The following ECPAS variants were observed in gnomAD, a reference collection of about 807,000 sequenced individuals.
ECPAS encodes the protein Ecm29 proteasome adaptor and scaffold, also known as proteasome adapter and scaffold protein ECM29.
Under a neutral mutation model 255.1 loss-of-function variants are expected in ECPAS, and 70 were observed. The observed-to-expected ratio is 0.27, with a 90% CI of 0.23 to 0.33. ECPAS has a LOEUF of 0.33. ECPAS is among the 10% of genes least tolerant of loss of function. ECPAS has a pLI of 1.00. For synonymous variants in ECPAS, 784 were observed against 775.0 expected, an observed-to-expected ratio of 1.01 and a Z score of -0.19; for missense variants, 1,817 against 2,206.4, an observed-to-expected ratio of 0.82 and a Z score of 3.54.
At chr9:111,433,204 A>G in intron 8 of ECPAS, 29 bp downstream of exon 8, 1 of 1,603,396 alleles carries the variant, frequency 6.2e-7, no homozygotes, top group Non-Finnish European at 8.5e-7. Context: ...AGTCCTTTCA[A>G]TCTTGAAAGT....
intron 49 of ECPAS, 67 bp downstream of exon 49, chr9:111,363,521 C>T: frequency 1.0e-6 from 1 of 968,788 alleles, no homozygotes; most frequent in Non-Finnish European, 1.6e-6. Context: ...AAAAACGAAA[C>T]AAAAAATTTC....
chr9:111,438,056 T>C (rs2098240602), intron 6 of ECPAS, among the ~76,000 whole-genome samples: 1 of 152,194 alleles, frequency 6.6e-6, no homozygotes, highest in African/African-American at 2.4e-5. Context: ...TTATCTATTT[T>C]TTAAAAATCT....
At chr9:111,365,979 G>A in intron 48 of ECPAS, 1 of 472,144 alleles carries the variant, frequency 2.1e-6, no homozygotes, top group East Asian at 3.7e-5. Context: ...CAACCATTCT[G>A]TAAGTTTGAA....
At chr9:111,416,149 G>T in intron 18 of ECPAS, 123 bp downstream of exon 18, 1 of 625,668 alleles carries the variant, frequency 1.6e-6, no homozygotes, top group Non-Finnish European at 2.8e-6. Flanking sequence ...ACCCGATGAA[G>T]AACAATGACA....
chr9:111,403,410 G>A (rs2098179235), intron 24 of ECPAS, among the ~76,000 whole-genome samples: 1 of 135,552 alleles, frequency 7.4e-6, no homozygotes, highest in Non-Finnish European at 1.5e-5. Flanking sequence ...TGAAGGTAAA[G>A]GTATGAAAAA....
At chr9:111,439,343 A>C (rs1326010059) in intron 6 of ECPAS, among the ~76,000 whole-genome samples, 1 of 151,970 alleles carries the variant, frequency 6.6e-6, no homozygotes, top group Non-Finnish European at 1.5e-5. Flanking sequence ...ATCATAGCTC[A>C]CTACAGCCTC....
At chr9:111,403,710 A>T (rs752835591) in intron 24 of ECPAS, among the ~76,000 whole-genome samples, 2 of 150,018 alleles carry the variant, frequency 1.3e-5, no homozygotes, top group Non-Finnish European at 2.9e-5. Context: ...GGTCATTCAG[A>T]CAGAAAATCA....
At chr9:111,444,268 G>A in intron 4 of ECPAS, 110 bp downstream of exon 4, 2 of 635,882 alleles carry the variant, frequency 3.1e-6, no homozygotes, top group East Asian at 2.9e-5. Flanking sequence ...GTTTCATTTA[G>A]AAGTGGTCTA....
rs549641382 is a variant in ECPAS at position 111,400,083 on chromosome 9, AG to A, written c.2653-2931del. Among the ~76,000 whole-genome samples, 561 of 152,306 alleles carry A rather than the reference AG, an allele frequency of 3.7e-3. 1 individual carries two copies. Among genetic ancestry groups the A allele is most frequent in the African/African-American group, 8.9e-3 (370 of 41,576 alleles). ...CACTCCCTCTACCTGGGGGAGAGAG[AG>A]GGAAGAGAGCAAGAAACTTTGCCTG... On this transcript the variant is annotated intron_variant, in intron 24 of 49. Transcript: ENST00000684092.
intron 32 of ECPAS, 105 bp downstream of exon 32, chr9:111,386,272 A>G: frequency 2.6e-6 from 2 of 781,598 alleles, no homozygotes; most frequent in South Asian, 3.2e-5. Flanking sequence ...CCAGCTTTTT[A>G]GTAGTTTTAA....
At chr9:111,382,917 T>A (rs1437267043) in intron 35 of ECPAS, among the ~76,000 whole-genome samples, 5 of 152,188 alleles carry the variant, frequency 3.3e-5, no homozygotes, top group Non-Finnish European at 7.3e-5. Flanking sequence ...TTACTAAATA[T>A]TATAATGAAC....
At chr9:111,460,064 CATAAA>C (rs756747918) in intron 2 of ECPAS, among the ~76,000 whole-genome samples, 25 of 152,012 alleles carry the variant, frequency 1.6e-4, no homozygotes, top group Non-Finnish European at 2.6e-4. Flanking sequence ...AATCATAATA[CATAAA>C]ATAAGTAAAA....
Position 111,362,176 on chromosome 9 carries a change from G to GAAAAAAAA in ECPAS, c.5381-15_5381-8dup, listed in dbSNP as rs3837272. The stretch of plus-strand genomic sequence containing the variant: ...CATTCCCACTGTTTAGATTCTGCAT[G>GAAAAAAAA]AAAAAAAAAAAACAAAAACAAAAAA... On this transcript the variant is annotated splice_region_variant and splice_polypyrimidine_tract_variant and intron_variant, in intron 49 of 49. Coordinates refer to ENST00000684092, the MANE Select transcript of ECPAS (RefSeq NM_001364929.1). The GAAAAAAAA allele has an allele frequency of 3.4e-6, 4 of 1,188,698 alleles. No homozygotes were observed. Among genetic ancestry groups the GAAAAAAAA allele is most frequent in the African/African-American group, 3.6e-5 (2 of 54,830 alleles). The allele number at this position is 1,188,698 out of a possible 1,614,324, so 73.6% of individuals were successfully genotyped here. A position where few individuals can be genotyped will look rare whatever the true frequency, so the allele number is the denominator to read the frequency against.
chr9:111,450,028 T>G lies in ECPAS; in HGVS notation c.153+1397A>C, dbSNP rs144227727. Among the ~76,000 whole-genome samples the G allele has an allele frequency of 1.5e-4, 23 of 152,320 alleles. No individual in the cohort carries two copies. The East Asian group carries it at 4.2e-3, about 28-fold the overall frequency. ...ATTATATCCCAAATATATTCTTTCA[T>G]AAGAATATATTTCCTTTTCCATCTT... On this transcript the variant is annotated intron_variant, in intron 3 of 49. Coordinates refer to ENST00000684092, the MANE Select transcript of ECPAS (RefSeq NM_001364929.1).
At chr9:111,453,477 A>G (rs1191175627) in intron 2 of ECPAS, among the ~76,000 whole-genome samples, 1 of 152,124 alleles carries the variant, frequency 6.6e-6, no homozygotes, top group African/African-American at 2.4e-5. Context: ...TCAAAATAAT[A>G]TATGTGGCTA....
chr9:111,468,999 T>G (rs1688056386), intron 2 of ECPAS, among the ~76,000 whole-genome samples: 2 of 152,192 alleles, frequency 1.3e-5, no homozygotes, highest in Admixed American at 6.5e-5. Flanking sequence ...CCACTTCATC[T>G]ATCTGAAATA....
intron 10 of ECPAS, among the ~76,000 whole-genome samples, chr9:111,426,144 A>C (rs114029673): frequency 6.6e-6 from 1 of 152,338 alleles, no homozygotes; most frequent in African/African-American, 2.4e-5. Context: ...TATATGATTC[A>C]GGACAAATTC....
chr9:111,459,978 T>C (rs1292093417), intron 2 of ECPAS, among the ~76,000 whole-genome samples: 1 of 151,772 alleles, frequency 6.6e-6, no homozygotes, highest in African/African-American at 2.4e-5. Context: ...AACAAGGGTA[T>C]CCCCAGAAAG....
At position 111,403,922 on chromosome 9, in the gene ECPAS, T is replaced by C. The variant is rs548893242; in HGVS notation, c.2652+4649A>G. On this transcript the variant is annotated intron_variant, in intron 24 of 49. Coordinates refer to ENST00000684092, the MANE Select transcript of ECPAS (RefSeq NM_001364929.1). ...TCATATCAAGTATCTTTTCTGACCA[T>C]AATGGAATAAAACTAGAAATCAGTA... is the stretch of plus-strand genomic sequence containing the variant. Among the ~76,000 whole-genome samples the C allele has an allele frequency of 1.3e-5, 2 of 149,804 alleles. 1 individual carries two copies. Among genetic ancestry groups the C allele is most frequent in the African/African-American group, 5.1e-5 (2 of 39,590 alleles).
Sources: allele counts gnomAD v4.1 joint callset (sites outside exome capture counted in the v4.1 genomes callset), GRCh38; gene constraint gnomAD v4.1.1; transcripts MANE v1.5; gene names NCBI Gene and HGNC (gene_info 2026-07-23, HGNC 2026-07-21).